The following FCER1A variants were observed in gnomAD, a reference collection of about 807,000 sequenced individuals.
FCER1A encodes Fc epsilon receptor Ia, also known as high affinity immunoglobulin epsilon receptor subunit alpha.
A neutral mutation model predicts 23.6 loss-of-function variants in FCER1A; 24 were observed. The ratio of observed to expected loss-of-function variants is 1.02; its 90% CI spans 0.74 to 1.43. The LOEUF is 1.43. FCER1A is among the 40% of genes most tolerant of loss of function. The pLI is 0.00. For missense variants in FCER1A, 318 were observed against 294.5 expected, an observed-to-expected ratio of 1.08 and a Z score of -0.58; for synonymous variants, 121 against 108.8, an observed-to-expected ratio of 1.11 and a Z score of -0.70.
At chr1:159,297,548 G>GTAC (rs1652323931), upstream of FCER1A, among the ~76,000 whole-genome samples, 1 of 152,150 alleles carries the variant, frequency 6.6e-6, no homozygotes, top group Admixed American at 6.5e-5. Context: ...CCTTAAGGTA[G>GTAC]GTACTATTAC....
At chr1:159,296,096 T>G (rs1349896616) in intron 1 of FCER1A, among the ~76,000 whole-genome samples, 2 of 152,186 alleles carry the variant, frequency 1.3e-5, no homozygotes, top group Non-Finnish European at 2.9e-5. Flanking sequence ...CTGATGAATT[T>G]TATAATGTTT....
At chr1:159,297,230 G>T (rs555325553) in intron 1 of FCER1A, among the ~76,000 whole-genome samples, 2 of 152,264 alleles carry the variant, frequency 1.3e-5, no homozygotes, top group East Asian at 3.9e-4. Flanking sequence ...CACTTCTGCA[G>T]ACATGCGTGT....
chr1:159,292,040 T>G (rs1476543528), intron 1 of FCER1A, among the ~76,000 whole-genome samples: 1 of 152,176 alleles, frequency 6.6e-6, no homozygotes, highest in Non-Finnish European at 1.5e-5. Context: ...TTCTCTAGCC[T>G]CTGTTCTGGG....
upstream of FCER1A, among the ~76,000 whole-genome samples, chr1:159,300,460 C>G (rs1652402841): frequency 6.6e-6 from 1 of 152,154 alleles, no homozygotes; most frequent in African/African-American, 2.4e-5. Flanking sequence ...TGCCCTCTGA[C>G]AGCACCTTAA....
chr1:159,306,389 G>A (rs1652616905), intron 4 of FCER1A, 144 bp downstream of exon 4: 3 of 690,452 alleles, frequency 4.3e-6, no homozygotes, highest in Non-Finnish European at 7.2e-6. Flanking sequence ...AGACCTGGGT[G>A]ATAGTATATA....
upstream of FCER1A, among the ~76,000 whole-genome samples, chr1:159,286,383 A>T (rs1248506212): frequency 1.3e-5 from 2 of 151,206 alleles, no homozygotes; most frequent in Non-Finnish European, 2.9e-5. Context: ...CCCAGGCTGG[A>T]GTGCAGTGGC....
upstream of FCER1A, chr1:159,302,226 A>G: frequency 1.4e-6 from 1 of 701,034 alleles, no homozygotes; most frequent in East Asian, 2.5e-5. Flanking sequence ...ATCTCTAAAG[A>G]AAGAAGCAAA....
chr1:159,293,142 AGCAGGGGAATATATATACATAC>A (rs1449658801), intron 1 of FCER1A, among the ~76,000 whole-genome samples: 2 of 151,148 alleles, frequency 1.3e-5, no homozygotes, highest in African/African-American at 4.9e-5. Flanking sequence ...AACTGTATTA[AGCAGGGGAATATATATACATAC>A]ACACTGTGTG....
chr1:159,304,546 G>T (rs1652541918), intron 3 of FCER1A, among the ~76,000 whole-genome samples: 1 of 152,162 alleles, frequency 6.6e-6, no homozygotes, highest in Non-Finnish European at 1.5e-5. Context: ...GGTGGAGGTT[G>T]CAGTGAGCTG....
At position 159,307,937 on chromosome 1, in the gene FCER1A, A is replaced by C. The variant is rs770955683; in HGVS notation, c.*5A>C. 1 of 1,575,186 alleles carries C rather than the reference A, an allele frequency of 6.3e-7. No homozygotes were observed. Among genetic ancestry groups the C allele is most frequent in the Non-Finnish European group, 8.7e-7 (1 of 1,153,768 alleles). On this transcript the variant is annotated 3_prime_UTR_variant, in exon 5 of 5. Coordinates refer to ENST00000693622, the MANE Select transcript of FCER1A (RefSeq NM_001387280.1). ...CCAAACCCCAAAAACAACTGATATA[A>C]TTACTCAAGAAATATTTGCAACATT... is the stretch of plus-strand genomic sequence containing the variant.
chr1:159,306,345 A>G (rs112019007), intron 4 of FCER1A, 100 bp downstream of exon 4: 13 of 1,148,362 alleles, frequency 1.1e-5, no homozygotes, highest in African/African-American at 3.1e-5. Flanking sequence ...GGCACCTGTG[A>G]TACACTGGAA....
At chr1:159,302,715 C>A in intron 1 of FCER1A, 139 bp from the exon 2 acceptor site, 1 of 805,682 alleles carries the variant, frequency 1.2e-6, no homozygotes, top group East Asian at 2.4e-5. Flanking sequence ...GCTCTTTCTT[C>A]CCCTGATTCT....
At chr1:159,286,548 G>T (rs928858306), upstream of FCER1A, among the ~76,000 whole-genome samples, 1 of 152,088 alleles carries the variant, frequency 6.6e-6, no homozygotes, top group African/African-American at 2.4e-5. Flanking sequence ...TAGCCAGGAT[G>T]GTCTCGATCT....
intron 1 of FCER1A, among the ~76,000 whole-genome samples, chr1:159,294,050 A>T (rs960413593): frequency 1.1e-4 from 17 of 152,164 alleles, no homozygotes; most frequent in African/African-American, 4.1e-4. Flanking sequence ...AATGGCAACC[A>T]TTAAAAAGTC....
chr1:159,306,350 C>A, intron 4 of FCER1A, 105 bp downstream of exon 4: 1 of 1,079,714 alleles, frequency 9.3e-7, no homozygotes, highest in South Asian at 1.6e-5. Context: ...CTGTGATACA[C>A]TGGAAAGCCT....
Position 159,302,350 on chromosome 1 carries a change from G to C in FCER1A, c.-15G>C. 1 of 1,591,254 alleles carries C rather than the reference G, an allele frequency of 6.3e-7. No individual in the cohort carries two copies. The highest frequency in any genetic ancestry group is 8.6e-7 in the Non-Finnish European group (1 of 1,159,170). On this transcript the variant is annotated 5_prime_UTR_variant, in exon 1 of 5. Transcript: ENST00000693622. ...ATCTCTCCAGCACAGTAAGCACCAG[G>C]AGTCCATGAAGAAGATGGCTCCTGC...
At chr1:159,287,061 A>AT (rs1304253711), upstream of FCER1A, among the ~76,000 whole-genome samples, 3 of 152,144 alleles carry the variant, frequency 2.0e-5, no homozygotes, top group Non-Finnish European at 4.4e-5. Context: ...AATCTAGGGC[A>AT]TTTTTTCATT....
chr1:159,297,600 TTGAG>T (rs1481672540), upstream of FCER1A, among the ~76,000 whole-genome samples: 2 of 152,224 alleles, frequency 1.3e-5, no homozygotes, highest in African/African-American at 4.8e-5. Context: ...CAAAAAGAGT[TTGAG>T]TGGTCACAGC....
upstream of FCER1A, among the ~76,000 whole-genome samples, chr1:159,286,249 C>T (rs1652013018): frequency 6.6e-6 from 1 of 151,990 alleles, no homozygotes; most frequent in African/African-American, 2.4e-5. Context: ...GCTAACTGAT[C>T]AATATTTCAG....
Sources: gnomAD v4.1 joint callset for allele counts (sites outside exome capture counted in the v4.1 genomes callset) on GRCh38, gnomAD v4.1.1 for gene constraint, MANE v1.5 for transcripts, NCBI Gene and HGNC (gene_info 2026-07-23, HGNC 2026-07-21) for gene names.